ARHGAP35: variants seen among roughly 807,000 people sequenced by gnomAD.
ARHGAP35 encodes Rho GTPase activating protein 35.
Under a neutral mutation model 111.1 loss-of-function variants are expected in ARHGAP35, and 15 were observed. The ratio of observed to expected loss-of-function variants is 0.13; its 90% confidence interval spans 0.09 to 0.21. ARHGAP35 has a LOEUF of 0.21. Among genes scored for constraint, ARHGAP35 ranks in the 10% least tolerant of loss-of-function variants. The pLI, the probability that ARHGAP35 is intolerant of heterozygous loss-of-function variation, is 1.00. For synonymous variants in ARHGAP35, 643 were observed against 710.3 expected (o/e 0.91, Z 1.51); for missense variants, 1,262 against 1,873.0 (o/e 0.67, Z 6.02).
Position 46,934,532 on chromosome 19 carries a change from T to C in ARHGAP35, c.3682-2732T>C, listed in dbSNP as rs566866492. On this transcript the variant is annotated intron_variant, in intron 2 of 6. Coordinates refer to ENST00000672722, the MANE Select transcript of ARHGAP35 (RefSeq NM_004491.5). ...ACAGGCACTTGCCATCATGCCCGGC[T>C]AATTTTTGTATTTTTGTAGAGACAG... Among the ~76,000 whole-genome samples the C allele has an allele frequency of 2.6e-5, 4 of 152,002 alleles. No individual in the cohort carries two copies. In the East Asian group the frequency reaches 5.9e-4, roughly 22 times the overall value.
chr19:46,925,030 C>A (rs2056230107), intron 2 of ARHGAP35, among the ~76,000 whole-genome samples: 1 of 152,182 alleles, frequency 6.6e-6, no homozygotes, highest in Non-Finnish European at 1.5e-5. Context: ...CCTGAGACTT[C>A]CTTCCCCGGG....
intron 3 of ARHGAP35, among the ~76,000 whole-genome samples, chr19:46,977,605 G>A (rs991281888): frequency 2.0e-5 from 3 of 152,198 alleles, no homozygotes; most frequent in Non-Finnish European, 4.4e-5. Context: ...GCCTGCTCCT[G>A]TGAACTCAGG....
chr19:46,949,302 A>G (rs939539521), intron 3 of ARHGAP35: 2 of 152,252 alleles, frequency 1.3e-5, no homozygotes, highest in African/African-American at 2.4e-5. Context: ...TGCTGTTTAT[A>G]TAATTTCAAA....
chr19:46,919,138 C>T lies in ARHGAP35; in HGVS notation c.463C>T (p.Leu155=), dbSNP rs778241753. 4.3e-6 allele frequency: 7 copies of T among 1,613,852 alleles called. No homozygotes were observed. The African/African-American group carries it at 6.7e-5, about 15-fold the overall frequency. ...GCAGAAACAAATGCCAGACGGAAAG[C>T]TGCTGGTTGATGGTTTTCTTCTTGG... ...FEQKQMPDGK[L]LVDGFLLGID... Residue 155 remains leucine (L), a synonymous_variant, in exon 2 of 7, where the codon CTG becomes TTG. Coordinates refer to ENST00000672722, the MANE Select transcript of ARHGAP35 (RefSeq NM_004491.5). This position sits in a 1 kb window ranked among gnomAD's most constrained non-coding sequence, Gnocchi z 6.2.
chr19:46,936,066 A>C (rs747359638), intron 2 of ARHGAP35, among the ~76,000 whole-genome samples: 2 of 152,146 alleles, frequency 1.3e-5, no homozygotes, highest in African/African-American at 4.8e-5. Flanking sequence ...GCTGGGCAAC[A>C]TAGTGAGACC....
intron 3 of ARHGAP35, among the ~76,000 whole-genome samples, chr19:46,978,487 A>G (rs2056591185): frequency 7.1e-6 from 1 of 140,054 alleles, no homozygotes; most frequent in Non-Finnish European, 1.5e-5. Flanking sequence ...GGGGTAGGAT[A>G]TGTGTGTGTG....
In ARHGAP35 at chr19:46,992,995, G is replaced by C. The variant is rs2056687202; in HGVS notation, c.4036+3320G>C. Reference sequence around the variant, plus strand: ...CACATAGCTGCCCGAGGGCACGGGGGTGCTTCTCACACCCACGTACGGGGT... The same window carrying C: ...CACATAGCTGCCCGAGGGCACGGGGCTGCTTCTCACACCCACGTACGGGGT... On this transcript the variant is annotated intron_variant, in intron 5 of 6. Transcript: ENST00000672722. This position sits in a 1 kb window ranked among gnomAD's most constrained non-coding sequence, Gnocchi z 4.4. Among the ~76,000 whole-genome samples, 1 of 152,326 alleles carries C rather than the reference G, an allele frequency of 6.6e-6. No individual in the cohort carries two copies. The highest frequency in any genetic ancestry group is 3.4e-3 in the Middle Eastern group (1 of 294).
Position 46,999,096 on chromosome 19 carries a change from G to A in ARHGAP35, c.4037-208G>A, listed in dbSNP as rs997492896. 3 of 566,268 alleles carry A rather than the reference G, an allele frequency of 5.3e-6. No homozygotes were observed. The highest frequency in any genetic ancestry group is 4.6e-4 in the Middle Eastern group (1 of 2,154). 35.1% of individuals were successfully genotyped at this position (566,268 alleles called of 1,614,324 possible). ...CACACAGTGCCGCCCTTCAGCGGGG[G>A]CCTGGGACACAGAGGTGGGCCAGAC... On this transcript the variant is annotated intron_variant, in intron 5 of 6. Coordinates refer to ENST00000672722, the MANE Select transcript of ARHGAP35 (RefSeq NM_004491.5). The surrounding 1 kb of genome is among the most constrained non-coding windows in gnomAD (Gnocchi z 5.4).
At chr19:46,987,787 A>G (rs758454442) in intron 3 of ARHGAP35, among the ~76,000 whole-genome samples, 9 of 152,230 alleles carry the variant, frequency 5.9e-5, no homozygotes, top group Non-Finnish European at 1.3e-4. Flanking sequence ...AATACTTTAA[A>G]ATTTTTAAGT....
chr19:46,862,243 T>C (rs1015529167), intron 1 of ARHGAP35, among the ~76,000 whole-genome samples: 1 of 152,150 alleles, frequency 6.6e-6, no homozygotes, highest in African/African-American at 2.4e-5. Context: ...CCATTTCTGC[T>C]ATTCACTTAA....
chr19:46,961,929 C>A (rs2056485125), intron 3 of ARHGAP35, among the ~76,000 whole-genome samples: 1 of 147,420 alleles, frequency 6.8e-6, no homozygotes, highest in Non-Finnish European at 1.5e-5. Flanking sequence ...GATCCTGCCT[C>A]AAAAAAGAGA....
Position 46,922,013 on chromosome 19 carries a change from A to G in ARHGAP35, c.3338A>G (p.Gln1113Arg). ...TACTCCGTGCCCCATGACAGCACCC[A>G]AGGCAAAATCATCACCATTCGGAAT... ...NIYSVPHDST[Q>R]GKIITIRNIN... The change falls in exon 2 of 7, where the codon CAA becomes CGA. Residue 1113 changes from glutamine (Q) to arginine (R), a missense_variant. Physicochemically the swap from Gln to Arg is conservative, Grantham distance 43 (BLOSUM62 1). This residue lies in a region of ARHGAP35 where 579 missense variants were observed against 716.9 expected (regional missense o/e 0.81). Coordinates refer to ENST00000672722, the MANE Select transcript of ARHGAP35 (RefSeq NM_004491.5). This position sits in a 1 kb window ranked among gnomAD's most constrained non-coding sequence, Gnocchi z 4.0. 6.2e-7 allele frequency: 1 copy of G among 1,614,014 alleles called. No homozygotes were observed. The highest frequency in any genetic ancestry group is 8.5e-7 in the Non-Finnish European group (1 of 1,179,890).
chr19:46,972,944 G>A (rs1207710546), intron 3 of ARHGAP35, among the ~76,000 whole-genome samples: 2 of 152,174 alleles, frequency 1.3e-5, no homozygotes, highest in African/African-American at 2.4e-5. Context: ...ACAGAGCAAT[G>A]GAAACAGGCA....
At chr19:46,953,979 C>T (rs1243889343) in intron 3 of ARHGAP35, among the ~76,000 whole-genome samples, 4 of 152,174 alleles carry the variant, frequency 2.6e-5, no homozygotes, top group Non-Finnish European at 2.9e-5. Context: ...AGACATGCCT[C>T]GATTATAGTA....
At chr19:46,911,481 G>A (rs2056137628) in intron 1 of ARHGAP35, among the ~76,000 whole-genome samples, 1 of 152,168 alleles carries the variant, frequency 6.6e-6, no homozygotes, top group Non-Finnish European at 1.5e-5. Context: ...TAATTCCAAA[G>A]ATTATGGTAA....
chr19:46,949,345 A>C (rs2056399262), intron 3 of ARHGAP35, among the ~76,000 whole-genome samples: 1 of 152,200 alleles, frequency 6.6e-6, no homozygotes, highest in South Asian at 2.1e-4. Context: ...CTAGTTACAA[A>C]GGGGGACCAC....
chr19:46,912,931 G>T (rs1362339826), intron 1 of ARHGAP35, among the ~76,000 whole-genome samples: 4 of 151,944 alleles, frequency 2.6e-5, no homozygotes, highest in Non-Finnish European at 5.9e-5. Flanking sequence ...GAGGTTTGAA[G>T]AATGCTTTTT....
At chr19:46,957,351 C>T (rs560577996) in intron 3 of ARHGAP35, among the ~76,000 whole-genome samples, 4 of 152,210 alleles carry the variant, frequency 2.6e-5, no homozygotes, top group Admixed American at 2.0e-4. Flanking sequence ...GGGCTGGGCA[C>T]AGTGACCATC....
rs116030926 is a variant in ARHGAP35 at position 46,953,193 on chromosome 19, G to C, written c.3826+15785G>C. Among the ~76,000 whole-genome samples, 1,470 of 152,228 alleles carry C rather than the reference G, an allele frequency of 9.7e-3. 18 individuals are homozygous for C. The highest frequency in any genetic ancestry group is 0.031 in the African/African-American group (1,297 of 41,498). On this transcript the variant is annotated intron_variant, in intron 3 of 6. Transcript: ENST00000672722. ...CCTCGTGTGGCATACATTATAACCC[G>C]GGGGGAGACAGATAATAAGAAGTAA...
Sources: allele counts gnomAD v4.1 joint callset (sites outside exome capture counted in the v4.1 genomes callset), GRCh38; gene constraint gnomAD v4.1.1; regional missense constraint gnomAD v4.1.1; non-coding constraint Gnocchi (gnomAD v3.1); transcripts MANE v1.5; gene names NCBI Gene and HGNC (gene_info 2026-07-23, HGNC 2026-07-21).